The following SCN1A variants were observed in gnomAD, a reference collection of about 807,000 sequenced individuals.
The protein encoded by SCN1A is sodium channel protein type 1 subunit alpha.
SCN1A carries 13 observed loss-of-function variants against 193.7 expected under a neutral mutation model. That is an observed-to-expected ratio of 0.07 (90% CI 0.04 to 0.11). SCN1A has a LOEUF of 0.11. Among genes scored for constraint, SCN1A ranks in the 10% least tolerant of loss-of-function variants. SCN1A has a pLI of 1.00. For synonymous variants in SCN1A, 781 were observed against 843.6 expected (o/e 0.93, Z 1.29); for missense variants, 1,432 against 2,451.1 (o/e 0.58, Z 8.78).
rs1400764813 is a variant in SCN1A, at chr2:166,080,193, A to T, written c.-141-2392T>A. ...TTATAACAGAAGACTTAATTGTCCT[A>T]ATTTATGAAAATACATGTCACTAGA... On this transcript the variant is annotated intron_variant, in intron 2 of 28. Coordinates refer to ENST00000674923, the MANE Select transcript of SCN1A (RefSeq NM_001165963.4). Among the ~76,000 whole-genome samples, 21 of 151,844 alleles carry T rather than the reference A, an allele frequency of 1.4e-4. No individual in the cohort carries two copies. In the East Asian group the frequency reaches 3.9e-3, roughly 28 times the overall value.
intron 1 of SCN1A, among the ~76,000 whole-genome samples, chr2:166,138,601 T>C (rs1436479853): frequency 6.6e-6 from 1 of 152,158 alleles, no homozygotes; most frequent in Non-Finnish European, 1.5e-5. Context: ...TTTCAGAAGA[T>C]GTATGGAAAC....
chr2:166,050,877 A>C (rs10221756), intron 9 of SCN1A, among the ~76,000 whole-genome samples: 73,004 of 150,882 alleles, frequency 0.48, 18,296 homozygotes, highest in East Asian at 0.56. Flanking sequence ...ATTTACTTTT[A>C]GGTATCACTT....
intron 1 of SCN1A, among the ~76,000 whole-genome samples, chr2:166,142,236 A>G (rs1692118515): frequency 6.6e-6 from 1 of 152,222 alleles, no homozygotes; most frequent in Non-Finnish European, 1.5e-5. Context: ...CCATGAAAAT[A>G]TCGTGTTGAG....
intron 19 of SCN1A, among the ~76,000 whole-genome samples, chr2:166,025,335 C>T (rs977886892): frequency 6.6e-6 from 1 of 152,174 alleles, no homozygotes; most frequent in African/African-American, 2.4e-5. Context: ...TGGCCCAGAA[C>T]CACTCTCAGC....
rs1342695892 is a variant in SCN1A at position 165,985,961 on chromosome 2, T to A, written c.*5284A>T. ...GTGTCTGGGCTTTGTGATACAGATATACAAACATACAAACTTATGCAGTAG... is the reference window on the plus strand; with the variant it reads ...GTGTCTGGGCTTTGTGATACAGATAAACAAACATACAAACTTATGCAGTAG... On this transcript the variant is annotated 3_prime_UTR_variant, in exon 29 of 29. Coordinates refer to ENST00000674923, the MANE Select transcript of SCN1A (RefSeq NM_001165963.4). The A allele has an allele frequency of 6.6e-6, 1 of 152,148 alleles. No homozygotes were observed. Among genetic ancestry groups the A allele is most frequent in the African/African-American group, 2.4e-5 (1 of 41,440 alleles). The allele number at this position is 152,148 out of a possible 1,614,324, so 9.4% of individuals were successfully genotyped here. A position where few individuals can be genotyped will look rare whatever the true frequency, so the allele number is the denominator to read the frequency against.
chr2:166,015,460 GT>G, intron 20 of SCN1A, 146 bp downstream of exon 20: 5 of 947,434 alleles, frequency 5.3e-6, no homozygotes, highest in Non-Finnish European at 4.9e-6. Flanking sequence ...TAGACTTTAA[GT>G]TTTTTTGTCT....
At chr2:166,046,741 G>C in intron 12 of SCN1A, 29 bp downstream of exon 12, 1 of 1,604,992 alleles carries the variant, frequency 6.2e-7, no homozygotes, top group Non-Finnish European at 8.5e-7. Context: ...ACGATAAAAG[G>C]TCAGTGCCAT....
At chr2:166,131,292 T>A (rs760479794), upstream of SCN1A, among the ~76,000 whole-genome samples, 3 of 151,902 alleles carry the variant, frequency 2.0e-5, no homozygotes, top group Non-Finnish European at 2.9e-5. Flanking sequence ...CTAAACAGGC[T>A]GAGGGGGCAT....
Position 166,043,099 on chromosome 2 carries a change from C to T in SCN1A, c.2043+570G>A, listed in dbSNP as rs937547137. On this transcript the variant is annotated intron_variant, in intron 14 of 28. Coordinates refer to ENST00000674923, the MANE Select transcript of SCN1A (RefSeq NM_001165963.4). ...ATACATCCACAAACACATAACATAC[C>T]TTTGTACACAGACAATTATTTTATC... Among the ~76,000 whole-genome samples the T allele has an allele frequency of 3.3e-5, 5 of 152,234 alleles. No homozygotes were observed. The East Asian group carries it at 9.7e-4, about 29-fold the overall frequency.
intron 4 of SCN1A, among the ~76,000 whole-genome samples, chr2:166,061,103 G>A (rs377678709): frequency 3.9e-5 from 6 of 152,052 alleles, no homozygotes; most frequent in African/African-American, 9.7e-5. Flanking sequence ...TTGTACCTCC[G>A]TGGATAAGGA....
Position 166,007,309 on chromosome 2 carries a change from A to G in SCN1A, c.4002+2410T>C, listed in dbSNP as rs1381717994. The G allele has an allele frequency of 6.6e-6, 1 of 151,210 alleles. No individual in the cohort carries two copies. The highest frequency in any genetic ancestry group is 1.5e-5 in the Non-Finnish European group (1 of 67,452). 9.4% of individuals were successfully genotyped at this position (151,210 alleles called of 1,614,324 possible). Reference sequence around the variant, plus strand: ...CAAGATTATCCTATACAAAATAGAAATATATAGTTTGTTATTAGTTAGAAA... The same window carrying G: ...CAAGATTATCCTATACAAAATAGAAGTATATAGTTTGTTATTAGTTAGAAA... On this transcript the variant is annotated intron_variant, in intron 23 of 28. Transcript: ENST00000674923.
intron 2 of SCN1A, among the ~76,000 whole-genome samples, chr2:166,108,691 G>A (rs1371370285): frequency 6.6e-6 from 1 of 152,088 alleles, no homozygotes; most frequent in Non-Finnish European, 1.5e-5. Flanking sequence ...TATGTTAAGT[G>A]AAAGAAGAAA....
At chr2:166,101,638 C>T (rs1226064451) in intron 2 of SCN1A, among the ~76,000 whole-genome samples, 1 of 152,136 alleles carries the variant, frequency 6.6e-6, no homozygotes, top group African/African-American at 2.4e-5. Flanking sequence ...AAAAGACTCC[C>T]TGTTAAATAA....
Position 165,990,299 on chromosome 2 carries a change from T to C in SCN1A, c.*946A>G, listed in dbSNP as rs1473402496. 1.3e-5 allele frequency: 2 copies of C among 152,544 alleles called. No homozygotes were observed. The highest frequency in any genetic ancestry group is 4.8e-5 in the African/African-American group (2 of 41,430). 9.4% of individuals were successfully genotyped at this position (152,544 alleles called of 1,614,324 possible). On this transcript the variant is annotated 3_prime_UTR_variant, in exon 29 of 29. Transcript: ENST00000674923. ...AATAGCATTTCATTAACATATACAG[T>C]GTCAACCTTGCTGAGAGCCGAAGAT...
At chr2:166,128,447 C>T (rs1002480880), upstream of SCN1A, among the ~76,000 whole-genome samples, 12 of 151,930 alleles carry the variant, frequency 7.9e-5, no homozygotes, top group African/African-American at 2.9e-4. Flanking sequence ...ATCAGGTGGC[C>T]CTTTATTACA....
chr2:166,084,002 T>C (rs1186892843), intron 2 of SCN1A, among the ~76,000 whole-genome samples: 1 of 152,088 alleles, frequency 6.6e-6, no homozygotes, highest in African/African-American at 2.4e-5. Context: ...GATTTTGAGA[T>C]ACCAAGTGTG....
chr2:166,051,048 G>A (rs1030345090), intron 9 of SCN1A, among the ~76,000 whole-genome samples: 2 of 151,784 alleles, frequency 1.3e-5, no homozygotes, highest in Admixed American at 6.6e-5. Context: ...TGTAGAATTC[G>A]CAAAGGGCAT....
At chr2:166,035,989 T>C in intron 19 of SCN1A, 59 bp downstream of exon 19, 1 of 1,523,722 alleles carries the variant, frequency 6.6e-7, no homozygotes, top group Non-Finnish European at 9.1e-7. Flanking sequence ...ATCATCTGTA[T>C]GTGTGTATAT....
chr2:165,997,441 A>G (rs544064615), intron 26 of SCN1A, among the ~76,000 whole-genome samples: 5 of 151,506 alleles, frequency 3.3e-5, no homozygotes, highest in South Asian at 4.1e-4. Context: ...TTTACTTTCC[A>G]TATGTTCTAT....
Sources: allele counts gnomAD v4.1 joint callset (sites outside exome capture counted in the v4.1 genomes callset), GRCh38; gene constraint gnomAD v4.1.1; transcripts MANE v1.5; gene names NCBI Gene and HGNC (gene_info 2026-07-23, HGNC 2026-07-21).